EXOC2: variants seen among roughly 807,000 people sequenced by gnomAD.
EXOC2 encodes the protein exocyst complex component 2.
Under a neutral mutation model 131.8 loss-of-function variants are expected in EXOC2, and 70 were observed. That is an observed-to-expected ratio of 0.53 (90% CI 0.44 to 0.65). The LOEUF is 0.65. EXOC2 is among the 30% of genes least tolerant of loss of function. The pLI, the probability that EXOC2 is intolerant of heterozygous loss-of-function variation, is 0.00. For missense variants in EXOC2, 923 were observed against 1,108.6 expected, an observed-to-expected ratio of 0.83 and a Z score of 2.38; for synonymous variants, 411 against 398.4, an observed-to-expected ratio of 1.03 and a Z score of -0.38.
At chr6:611,770 T>C (rs1413266163) in intron 6 of EXOC2, among the ~76,000 whole-genome samples, 2 of 152,220 alleles carry the variant, frequency 1.3e-5, no homozygotes, top group Non-Finnish European at 2.9e-5. Context: ...TGATCATAGG[T>C]TTGTTATTGT....
At chr6:574,662 T>G (rs944762170) in intron 12 of EXOC2, among the ~76,000 whole-genome samples, 1 of 152,238 alleles carries the variant, frequency 6.6e-6, no homozygotes, top group Admixed American at 6.5e-5. Context: ...TAAACTTTTA[T>G]TTTTCATTCA....
chr6:546,517 G>A (rs896485884), intron 22 of EXOC2, among the ~76,000 whole-genome samples: 12 of 152,188 alleles, frequency 7.9e-5, no homozygotes, highest in Middle Eastern at 3.4e-3. Flanking sequence ...TGAACACCAC[G>A]GGTCTGAACT....
At chr6:637,021 G>T (rs1024298471) in intron 2 of EXOC2, among the ~76,000 whole-genome samples, 1 of 152,180 alleles carries the variant, frequency 6.6e-6, no homozygotes, top group Non-Finnish European at 1.5e-5. Context: ...CAGGCCATCA[G>T]TAAAGGCCGC....
At chr6:654,901 T>C (rs189291112) in intron 1 of EXOC2, among the ~76,000 whole-genome samples, 2 of 149,188 alleles carry the variant, frequency 1.3e-5, no homozygotes, top group Admixed American at 6.7e-5. Flanking sequence ...TTGCTTCTTA[T>C]ACATAAGCAA....
In EXOC2 at chr6:614,758, C is replaced by A. The variant is rs565133231; in HGVS notation, c.661+2953G>T. ...ATAAGCTATATTTAAATAATATAAT[C>A]AATCAGGCATTGATACTATATCAAA... is the stretch of plus-strand genomic sequence containing the variant. On this transcript the variant is annotated intron_variant, in intron 6 of 27. Coordinates refer to ENST00000230449, the MANE Select transcript of EXOC2 (RefSeq NM_018303.6). Among the ~76,000 whole-genome samples the A allele has an allele frequency of 7.6e-4, 116 of 152,202 alleles. 1 individual carries two copies. The highest frequency in any genetic ancestry group is 2.7e-3 in the African/African-American group (113 of 41,532).
At chr6:554,923 T>A (rs1415363107) in intron 20 of EXOC2, among the ~76,000 whole-genome samples, 2 of 152,184 alleles carry the variant, frequency 1.3e-5, no homozygotes, top group Non-Finnish European at 2.9e-5. Flanking sequence ...ATTGTAAAAA[T>A]CATCAACTAG....
intron 21 of EXOC2, among the ~76,000 whole-genome samples, chr6:552,705 T>C (rs1757211464): frequency 6.6e-6 from 1 of 152,200 alleles, no homozygotes. Context: ...ATTCTCTACC[T>C]AGTCATCCAA....
At chr6:656,718 TCGAGATCTTC>T (rs1561980419) in intron 1 of EXOC2, 1 of 1,598,964 alleles carries the variant, frequency 6.3e-7, no homozygotes, top group East Asian at 2.3e-5. Flanking sequence ...GTGGATCTCA[TCGAGATCTTC>T]CGAGACACCT....
At chr6:583,025 T>C (rs1187813614) in intron 11 of EXOC2, among the ~76,000 whole-genome samples, 1 of 152,182 alleles carries the variant, frequency 6.6e-6, no homozygotes, top group Non-Finnish European at 1.5e-5. Flanking sequence ...ATTGGCCAGT[T>C]ATGTGAGAAT....
intron 4 of EXOC2, among the ~76,000 whole-genome samples, chr6:625,540 T>TTTTC (rs1761520248): frequency 7.4e-6 from 1 of 135,784 alleles, no homozygotes; most frequent in African/African-American, 3.2e-5. Flanking sequence ...TTTTTTTTTT[T>TTTTC]GTCTGACCCA....
chr6:556,750 G>C (rs1170481499), intron 17 of EXOC2, among the ~76,000 whole-genome samples, 186 bp from the exon 18 acceptor site: 1 of 152,166 alleles, frequency 6.6e-6, no homozygotes, highest in Non-Finnish European at 1.5e-5. Context: ...TTTGTACTTC[G>C]TATTTTAGAA....
intron 11 of EXOC2, 47 bp from the exon 12 acceptor site, chr6:576,929 T>G (rs371591744): frequency 1.3e-5 from 21 of 1,562,620 alleles, no homozygotes; most frequent in African/African-American, 8.3e-5. Context: ...ATGCTCTATA[T>G]ACTCTTGCTT....
intron 23 of EXOC2, among the ~76,000 whole-genome samples, chr6:512,609 C>T (rs534112281): frequency 6.6e-6 from 1 of 152,200 alleles, no homozygotes; most frequent in African/African-American, 2.4e-5. Flanking sequence ...GGCACCCCAA[C>T]TATCTGTCGT....
intron 13 of EXOC2, among the ~76,000 whole-genome samples, chr6:571,525 T>A (rs2127594136): frequency 6.6e-6 from 1 of 152,266 alleles, no homozygotes; most frequent in Non-Finnish European, 1.5e-5. Flanking sequence ...GAATTTATGG[T>A]CATGGCCAAA....
chr6:593,290 G>GT (rs1316860554), intron 10 of EXOC2, among the ~76,000 whole-genome samples: 1 of 115,938 alleles, frequency 8.6e-6, no homozygotes, highest in African/African-American at 3.0e-5. Flanking sequence ...AATTTCAGAT[G>GT]TTTTTTAATT....
chr6:516,850 TCA>T lies in EXOC2; in HGVS notation c.2380+15617_2380+15618del, dbSNP rs529648796. On this transcript the variant is annotated intron_variant, in intron 23 of 27. Transcript: ENST00000230449. The stretch of plus-strand genomic sequence containing the variant: ...CATAGCACCTCAGAAGCCTAAATTC[TCA>T]GAGTTCCTAGTACAGATATAGAATA... Among the ~76,000 whole-genome samples the T allele has an allele frequency of 5.9e-5, 9 of 152,300 alleles. No individual in the cohort carries two copies. In the South Asian group the frequency reaches 1.9e-3, roughly 32 times the overall value.
At chr6:516,091 G>A (rs1765150358) in intron 23 of EXOC2, among the ~76,000 whole-genome samples, 1 of 152,100 alleles carries the variant, frequency 6.6e-6, no homozygotes, top group Admixed American at 6.6e-5. Context: ...GAATAATCTG[G>A]AACTGTCTAT....
intron 23 of EXOC2, among the ~76,000 whole-genome samples, chr6:527,143 T>C (rs962127448): frequency 6.6e-6 from 1 of 152,258 alleles, no homozygotes. Context: ...AACATTTTAA[T>C]GGTCCATTTT....
intron 7 of EXOC2, among the ~76,000 whole-genome samples, chr6:609,256 A>G (rs966173388): frequency 2.6e-5 from 4 of 152,232 alleles, no homozygotes; most frequent in Non-Finnish European, 4.4e-5. Flanking sequence ...ACAGCCTTAA[A>G]TTCACAGAAT....
Sources: gnomAD v4.1 joint callset for allele counts (sites outside exome capture counted in the v4.1 genomes callset) on GRCh38, gnomAD v4.1.1 for gene constraint, MANE v1.5 for transcripts, NCBI Gene and HGNC (gene_info 2026-07-23, HGNC 2026-07-21) for gene names.